CTNNA3: variants seen among roughly 807,000 people sequenced by gnomAD.
The protein encoded by CTNNA3 is catenin alpha 3.
A neutral mutation model predicts 95.7 loss-of-function variants in CTNNA3; 76 were observed. The ratio of observed to expected loss-of-function variants is 0.79; its 90% CI spans 0.66 to 0.96. The LOEUF is 0.96. Among genes scored for constraint, CTNNA3 ranks in the 40% least tolerant of loss-of-function variants. The pLI, the probability that CTNNA3 is intolerant of heterozygous loss-of-function variation, is 0.00. For missense variants in CTNNA3, 1,191 were observed against 1,089.8 expected, an observed-to-expected ratio of 1.09 and a Z score of -1.31; for synonymous variants, 431 against 374.4, an observed-to-expected ratio of 1.15 and a Z score of -1.74.
intron 9 of CTNNA3, among the ~76,000 whole-genome samples, chr10:66,747,077 G>A (rs1838912751): frequency 6.6e-6 from 1 of 152,190 alleles, no homozygotes; most frequent in East Asian, 1.9e-4. Flanking sequence ...CTGGTGAAAT[G>A]TATTTTATAC....
intron 15 of CTNNA3, among the ~76,000 whole-genome samples, chr10:66,067,006 AT>A (rs1291954144): frequency 2.0e-5 from 3 of 151,742 alleles, no homozygotes; most frequent in African/African-American, 7.2e-5. Context: ...GAAAAAAAAA[AT>A]ATACGCCAAA....
intron 11 of CTNNA3, among the ~76,000 whole-genome samples, chr10:66,505,906 A>G (rs1051048365): frequency 2.0e-5 from 3 of 152,158 alleles, no homozygotes; most frequent in Non-Finnish European, 4.4e-5. Flanking sequence ...TTGTGTTGCT[A>G]TAAAGGAATA....
At chr10:67,271,692 C>T (rs1480424861) in intron 5 of CTNNA3, among the ~76,000 whole-genome samples, 1 of 152,094 alleles carries the variant, frequency 6.6e-6, no homozygotes, top group African/African-American at 2.4e-5. Context: ...AGGATATAAA[C>T]TCATTTAGCA....
intron 5 of CTNNA3, among the ~76,000 whole-genome samples, chr10:67,403,652 G>A (rs1445460080): frequency 1.3e-5 from 2 of 152,130 alleles, no homozygotes; most frequent in East Asian, 1.9e-4. Context: ...CTTGGAAAGT[G>A]CAAAACTATA....
intron 15 of CTNNA3, among the ~76,000 whole-genome samples, chr10:66,051,225 A>C (rs772113813): frequency 4.6e-5 from 7 of 152,194 alleles, no homozygotes; most frequent in Non-Finnish European, 8.8e-5. Flanking sequence ...GTAAGTCCTC[A>C]AGGACAGAAA....
At chr10:66,627,528 C>A (rs576016856) in intron 9 of CTNNA3, among the ~76,000 whole-genome samples, 23 of 152,106 alleles carry the variant, frequency 1.5e-4, no homozygotes, top group Non-Finnish European at 3.2e-4. Flanking sequence ...AACCAGAGAA[C>A]CACGATTCTT....
At chr10:66,202,254 A>T (rs900410790) in intron 13 of CTNNA3, among the ~76,000 whole-genome samples, 3 of 152,188 alleles carry the variant, frequency 2.0e-5, no homozygotes, top group Admixed American at 1.3e-4. Context: ...TTCAGGCTAA[A>T]GGTTTCTCAG....
In CTNNA3 at chr10:66,622,293, C is replaced by A. The variant is rs1444630670; in HGVS notation, c.1282-509G>T. Among the ~76,000 whole-genome samples, 3 of 152,106 alleles carry A rather than the reference C, an allele frequency of 2.0e-5. 1 individual carries two copies. The highest frequency in any genetic ancestry group is 4.4e-5 in the Non-Finnish European group (3 of 68,002). ...ACAAATACAAGATAATTAACTTCTT[C>A]CTGCTCTTGATTTTCCACTACAACT... On this transcript the variant is annotated intron_variant, in intron 9 of 17. Transcript: ENST00000433211.
At chr10:67,763,365 G>C (rs559877424) in intron 1 of CTNNA3, among the ~76,000 whole-genome samples, 1 of 152,138 alleles carries the variant, frequency 6.6e-6, no homozygotes, top group South Asian at 2.1e-4. Context: ...AATTAAATGG[G>C]TGTAGACACT....
chr10:67,182,382 A>T (rs1179036528), intron 6 of CTNNA3, among the ~76,000 whole-genome samples: 22 of 151,268 alleles, frequency 1.5e-4, no homozygotes, highest in African/African-American at 4.1e-4. Context: ...TCAGAAATAA[A>T]GCCAATCTAC....
At chr10:66,594,992 C>T (rs574238238) in intron 10 of CTNNA3, among the ~76,000 whole-genome samples, 3 of 152,050 alleles carry the variant, frequency 2.0e-5, no homozygotes, top group Non-Finnish European at 4.4e-5. Flanking sequence ...CAATTATTAT[C>T]CACAATTATC....
At chr10:66,222,741 A>G (rs2089034050) in intron 13 of CTNNA3, among the ~76,000 whole-genome samples, 1 of 151,806 alleles carries the variant, frequency 6.6e-6, no homozygotes, top group African/African-American at 2.4e-5. Flanking sequence ...AGAGAAAAAA[A>G]TGAAAGAAAA....
At chr10:66,771,428 G>A (rs969042356) in intron 8 of CTNNA3, among the ~76,000 whole-genome samples, 12 of 151,936 alleles carry the variant, frequency 7.9e-5, no homozygotes, top group East Asian at 1.9e-4. Flanking sequence ...AATGAATGAT[G>A]GAAAAAGAGG....
chr10:66,988,510 T>C (rs967476305), intron 7 of CTNNA3, among the ~76,000 whole-genome samples: 1 of 152,168 alleles, frequency 6.6e-6, no homozygotes. Flanking sequence ...GTATTGTGTG[T>C]TTTTATTTGG....
At chr10:66,209,585 G>A (rs2087998780) in intron 13 of CTNNA3, among the ~76,000 whole-genome samples, 2 of 152,082 alleles carry the variant, frequency 1.3e-5, no homozygotes, top group Admixed American at 1.3e-4. Context: ...TCAATGTGAG[G>A]AAGTTAATGG....
chr10:66,398,062 G>T (rs1911483), intron 11 of CTNNA3, among the ~76,000 whole-genome samples: 55,527 of 151,510 alleles, frequency 0.37, 12,425 homozygotes, highest in African/African-American at 0.62. Flanking sequence ...AGATATTTTA[G>T]TAAGAGAGTT....
At chr10:66,866,481 G>T (rs569223860) in intron 7 of CTNNA3, among the ~76,000 whole-genome samples, 1 of 152,210 alleles carries the variant, frequency 6.6e-6, no homozygotes, top group Admixed American at 6.5e-5. Flanking sequence ...ATAAGTAATT[G>T]TCTCCTCATC....
At chr10:66,075,174 T>C (rs1208358381) in intron 14 of CTNNA3, among the ~76,000 whole-genome samples, 1 of 151,846 alleles carries the variant, frequency 6.6e-6, no homozygotes, top group African/African-American at 2.4e-5. Flanking sequence ...TGTACTATGC[T>C]CATTACTACT....
chr10:66,708,029 T>C (rs1377082766), intron 9 of CTNNA3, among the ~76,000 whole-genome samples: 1 of 152,136 alleles, frequency 6.6e-6, no homozygotes, highest in Non-Finnish European at 1.5e-5. Context: ...TCTTAGCTGA[T>C]TTCTCTTTTC....
Sources: allele counts gnomAD v4.1 joint callset (sites outside exome capture counted in the v4.1 genomes callset), GRCh38; gene constraint gnomAD v4.1.1; transcripts MANE v1.5; gene names NCBI Gene and HGNC (gene_info 2026-07-23, HGNC 2026-07-21).